Variants in MDGA2 observed in about 807,000 individuals in gnomAD.
MDGA2 encodes MAM domain-containing glycosylphosphatidylinositol anchor protein 2.
Under a neutral mutation model 117.8 loss-of-function variants are expected in MDGA2, and 40 were observed. That is an observed-to-expected ratio of 0.34 (90% CI 0.26 to 0.44). The LOEUF is 0.44. Ranked by LOEUF, MDGA2 falls within the 20% of genes least tolerant of loss-of-function variation. The probability of loss-of-function intolerance (pLI) is 1.00; values close to 1 mark genes in which losing one functional copy is unlikely to be tolerated. For synonymous variants in MDGA2, 452 were observed against 439.0 expected, an observed-to-expected ratio of 1.03 and a Z score of -0.37; for missense variants, 1,123 against 1,250.6, an observed-to-expected ratio of 0.90 and a Z score of 1.54.
chr14:47,272,826 T>C (rs1457107179), intron 2 of MDGA2, among the ~76,000 whole-genome samples: 2 of 152,152 alleles, frequency 1.3e-5, no homozygotes, highest in African/African-American at 4.8e-5. Flanking sequence ...AAAAAGTCTA[T>C]AGAACAATAT....
rs190925345 is a variant in MDGA2, at chr14:47,601,905, C to T, written c.280+72612G>A. Among the ~76,000 whole-genome samples the T allele has an allele frequency of 7.6e-4, 116 of 152,190 alleles. 1 individual carries two copies. The East Asian group carries it at 0.02, about 26-fold the overall frequency. On this transcript the variant is annotated intron_variant, in intron 1 of 16. Coordinates refer to ENST00000399232, the MANE Select transcript of MDGA2 (RefSeq NM_001113498.3). ...GAAATCTATTGAATCCATAAAAGTA[C>T]AAAAATTATATTCTCTCCCCCAGCT...
rs1162156512 is a variant in MDGA2 at position 47,000,377 on chromosome 14, TTA to T, written c.1819+34632_1819+34633del. Among the ~76,000 whole-genome samples, 65 of 100,010 alleles carry T rather than the reference TTA, an allele frequency of 6.5e-4. No homozygotes were observed. In the East Asian group the frequency reaches 9.5e-3, roughly 15 times the overall value. 65.6% of individuals were successfully genotyped at this position (100,010 alleles called of 152,430 possible). A position where few individuals can be genotyped will look rare whatever the true frequency, so the allele number is the denominator to read the frequency against. On this transcript the variant is annotated intron_variant, in intron 8 of 16. Coordinates refer to ENST00000399232, the MANE Select transcript of MDGA2 (RefSeq NM_001113498.3). Reference sequence around the variant, plus strand: ...CACACATATATATGTATATATATATTTATATATATATATTTATATATAAATAT... The same window carrying T: ...CACACATATATATGTATATATATATTTATATATATATTTATATATAAATAT...
intron 1 of MDGA2, among the ~76,000 whole-genome samples, chr14:47,665,814 T>TA (rs1243820755): frequency 1.2e-4 from 1 of 8,350 alleles, no homozygotes; most frequent in Non-Finnish European, 2.9e-4. Flanking sequence ...TCGCCCCCCC[T>TA]CCCCCCCGCC....
intron 1 of MDGA2, among the ~76,000 whole-genome samples, chr14:47,471,443 A>G (rs1893727020): frequency 6.6e-6 from 1 of 152,144 alleles, no homozygotes; most frequent in Non-Finnish European, 1.5e-5. Flanking sequence ...TGGAAGAAAA[A>G]TCATTATATG....
chr14:47,374,508 T>C (rs17674501), intron 1 of MDGA2, among the ~76,000 whole-genome samples: 15,712 of 152,134 alleles, frequency 0.1, 1,055 homozygotes, highest in Non-Finnish European at 0.13. Context: ...GATTTTCATA[T>C]CTATTTTTAT....
chr14:46,899,013 G>C (rs960489654), intron 10 of MDGA2, among the ~76,000 whole-genome samples: 4 of 152,042 alleles, frequency 2.6e-5, no homozygotes, highest in South Asian at 4.1e-4. Flanking sequence ...TAAAATTAGA[G>C]GGAGATTCCT....
In MDGA2 at chr14:47,540,540, G is replaced by GTGTGTGTGTGTGTGTGTATA; in HGVS notation, c.280+133976_280+133977insTATACACACACACACACACA. On this transcript the variant is annotated intron_variant, in intron 1 of 16. Coordinates refer to ENST00000399232, the MANE Select transcript of MDGA2 (RefSeq NM_001113498.3). Reference sequence around the variant, plus strand: ...TGTATATGTGTGTGTGTGTGTGTGTGTATATATATATATGTATATATATAC... The same window carrying GTGTGTGTGTGTGTGTGTATA: ...TGTATATGTGTGTGTGTGTGTGTGTGTGTGTGTGTGTGTGTGTATATATATATATATATGTATATATATAC... 5.9e-4 allele frequency among the ~76,000 whole-genome samples: 47 copies of GTGTGTGTGTGTGTGTGTATA among 79,214 alleles called. 1 individual carries two copies. Among genetic ancestry groups the GTGTGTGTGTGTGTGTGTATA allele is most frequent in the Middle Eastern group, 6.3e-3 (1 of 160 alleles). 52.0% of individuals were successfully genotyped at this position (79,214 alleles called of 152,430 possible). A position where few individuals can be genotyped will look rare whatever the true frequency, so the allele number is the denominator to read the frequency against.
chr14:47,217,592 T>C (rs1397343593), intron 3 of MDGA2, among the ~76,000 whole-genome samples: 1 of 151,962 alleles, frequency 6.6e-6, no homozygotes, highest in Non-Finnish European at 1.5e-5. Context: ...GTTTGTATGA[T>C]GTACATTTAA....
chr14:47,460,991 C>T (rs1322939877), intron 1 of MDGA2, among the ~76,000 whole-genome samples: 3 of 151,974 alleles, frequency 2.0e-5, no homozygotes, highest in Non-Finnish European at 4.4e-5. Flanking sequence ...TAAAGGAATT[C>T]CTTTCAGTTT....
chr14:47,549,381 G>GC (rs1555331378), intron 1 of MDGA2, among the ~76,000 whole-genome samples: 3 of 69,106 alleles, frequency 4.3e-5, no homozygotes, highest in Admixed American at 1.4e-4. Flanking sequence ...CTGAAGAACA[G>GC]TTTTTTTTGG....
intron 7 of MDGA2, among the ~76,000 whole-genome samples, chr14:47,039,310 C>G (rs1304135154): frequency 6.6e-6 from 1 of 152,192 alleles, no homozygotes; most frequent in African/African-American, 2.4e-5. Flanking sequence ...CAGATTCCAT[C>G]TATTAATTGA....
chr14:47,658,240 A>G (rs1425364807), intron 1 of MDGA2, among the ~76,000 whole-genome samples: 1 of 152,152 alleles, frequency 6.6e-6, no homozygotes, highest in Non-Finnish European at 1.5e-5. Flanking sequence ...TAACATGAGC[A>G]GGGGAGAAGA....
intron 8 of MDGA2, among the ~76,000 whole-genome samples, chr14:47,002,171 T>C (rs1342863603): frequency 6.6e-6 from 1 of 152,080 alleles, no homozygotes; most frequent in Non-Finnish European, 1.5e-5. Context: ...GTAAATTTCA[T>C]AAACCTTCCC....
chr14:47,301,314 C>A, intron 2 of MDGA2, 97 bp downstream of exon 2: 1 of 1,285,174 alleles, frequency 7.8e-7, no homozygotes, highest in African/African-American at 1.5e-5. Flanking sequence ...CACACACACA[C>A]ACACACAGTT....
intron 5 of MDGA2, among the ~76,000 whole-genome samples, chr14:47,119,040 C>A (rs1228088840): frequency 6.8e-6 from 1 of 148,116 alleles, no homozygotes; most frequent in Non-Finnish European, 1.5e-5. Context: ...CCATGTCCAG[C>A]CTACATATTC....
At chr14:47,572,336 T>C (rs150953193) in intron 1 of MDGA2, among the ~76,000 whole-genome samples, 47 of 152,306 alleles carry the variant, frequency 3.1e-4, no homozygotes, top group African/African-American at 1.1e-3. Flanking sequence ...ATCTAAATCA[T>C]GGGCCATATT....
At chr14:47,397,521 C>T (rs1892040178) in intron 1 of MDGA2, among the ~76,000 whole-genome samples, 1 of 151,622 alleles carries the variant, frequency 6.6e-6, no homozygotes, top group Non-Finnish European at 1.5e-5. Context: ...AAACAAACCC[C>T]AAAAAACTAA....
chr14:47,314,407 A>C (rs1030478283), intron 1 of MDGA2, among the ~76,000 whole-genome samples: 5 of 152,198 alleles, frequency 3.3e-5, no homozygotes, highest in Non-Finnish European at 5.9e-5. Context: ...TTTCAGGCAC[A>C]GTGGCTCACG....
chr14:47,119,301 GTGCTC>G (rs1028106395), intron 5 of MDGA2, among the ~76,000 whole-genome samples: 6 of 151,596 alleles, frequency 4.0e-5, no homozygotes, highest in African/African-American at 1.5e-4. Flanking sequence ...TCCTGGCCTC[GTGCTC>G]TGCCCGCCTC....
Sources: gnomAD v4.1 joint callset for allele counts (sites outside exome capture counted in the v4.1 genomes callset) on GRCh38, gnomAD v4.1.1 for gene constraint, MANE v1.5 for transcripts, NCBI Gene and HGNC (gene_info 2026-07-23, HGNC 2026-07-21) for gene names.